STAG1: variants seen among roughly 807,000 people sequenced by gnomAD.
STAG1 encodes the protein STAG1 cohesin complex component, also known as cohesin subunit SA-1.
STAG1 carries 26 observed loss-of-function variants against 170.9 expected under a neutral mutation model. That is an observed-to-expected ratio of 0.15 (90% CI 0.11 to 0.21). The LOEUF (loss-of-function observed/expected upper bound fraction) is 0.21. Ranked by LOEUF, STAG1 falls within the 10% of genes least tolerant of loss-of-function variation. STAG1 has a pLI of 1.00. For missense variants in STAG1, 964 were observed against 1,509.5 expected (o/e 0.64, Z 5.99); for synonymous variants, 514 against 497.7 (o/e 1.03, Z -0.44).
intron 1 of STAG1, among the ~76,000 whole-genome samples, chr3:136,735,004 C>T (rs1553774088): frequency 6.6e-6 from 1 of 152,200 alleles, no homozygotes; most frequent in Non-Finnish European, 1.5e-5. Context: ...ACTCTTGACA[C>T]TAACCTAGGA....
intron 24 of STAG1, 83 bp downstream of exon 24, chr3:136,369,025 T>A: frequency 7.9e-7 from 1 of 1,269,312 alleles, no homozygotes; most frequent in South Asian, 2.1e-5. Context: ...CGATAATTTT[T>A]AGAACTGAAT....
At chr3:136,367,667 T>C (rs1422861553) in intron 24 of STAG1, among the ~76,000 whole-genome samples, 1 of 152,178 alleles carries the variant, frequency 6.6e-6, no homozygotes, top group Non-Finnish European at 1.5e-5. Flanking sequence ...AGTTTTCTTT[T>C]AGAAAAATAT....
intron 1 of STAG1, among the ~76,000 whole-genome samples, chr3:136,653,135 G>A (rs112013125): frequency 5.3e-5 from 8 of 152,160 alleles, no homozygotes; most frequent in African/African-American, 1.7e-4. Flanking sequence ...TGCCAGGCGT[G>A]GTGGTGTATG....
intron 3 of STAG1, among the ~76,000 whole-genome samples, chr3:136,605,401 C>A (rs1256317527): frequency 6.6e-6 from 1 of 152,212 alleles, no homozygotes; most frequent in East Asian, 1.9e-4. Context: ...TAATTTCATT[C>A]ATTCATACAT....
At chr3:136,454,369 C>G (rs1229452760) in intron 13 of STAG1, among the ~76,000 whole-genome samples, 1 of 151,452 alleles carries the variant, frequency 6.6e-6, no homozygotes. Flanking sequence ...CCTGAGCCAC[C>G]GTGATCGGCT....
At chr3:136,709,403 CAT>C (rs986871932) in intron 1 of STAG1, among the ~76,000 whole-genome samples, 131 of 152,152 alleles carry the variant, frequency 8.6e-4, no homozygotes, top group African/African-American at 3.0e-3. Flanking sequence ...ATATCATTTA[CAT>C]AGAAGAACTC....
At chr3:136,598,345 T>G (rs892241741) in intron 4 of STAG1, among the ~76,000 whole-genome samples, 3 of 152,196 alleles carry the variant, frequency 2.0e-5, no homozygotes, top group African/African-American at 7.2e-5. Context: ...ATGCTTTAGC[T>G]GGCTCCAACA....
chr3:136,698,502 G>C (rs1158959523), intron 1 of STAG1, among the ~76,000 whole-genome samples: 1 of 151,748 alleles, frequency 6.6e-6, no homozygotes, highest in East Asian at 1.9e-4. Flanking sequence ...ACAAACAGAG[G>C]AGCATGGATG....
intron 5 of STAG1, among the ~76,000 whole-genome samples, chr3:136,551,220 AG>A (rs1559874313): frequency 1.7e-5 from 2 of 115,680 alleles, no homozygotes; most frequent in African/African-American, 6.4e-5. Context: ...AGAGAGAGAG[AG>A]AGAGAGAGAG....
At chr3:136,440,781 G>T (rs2088607033) in intron 15 of STAG1, among the ~76,000 whole-genome samples, 1 of 151,936 alleles carries the variant, frequency 6.6e-6, no homozygotes, top group Non-Finnish European at 1.5e-5. Flanking sequence ...CTTGAGCCCA[G>T]GAGTTTGAGA....
chr3:136,412,401 T>G (rs1244403819), intron 21 of STAG1, among the ~76,000 whole-genome samples: 1 of 152,222 alleles, frequency 6.6e-6, no homozygotes, highest in African/African-American at 2.4e-5. Flanking sequence ...GTACTAAAAC[T>G]ATTATGTCAG....
chr3:136,433,713 T>G, intron 15 of STAG1, 54 bp from the exon 16 acceptor site: 1 of 1,217,262 alleles, frequency 8.2e-7, no homozygotes, highest in Non-Finnish European at 1.2e-6. Flanking sequence ...AACAACCATG[T>G]ATTAAAAATG....
chr3:136,684,813 G>A (rs996425914), intron 1 of STAG1, among the ~76,000 whole-genome samples: 1 of 146,080 alleles, frequency 6.8e-6, no homozygotes, highest in Non-Finnish European at 1.5e-5. Context: ...AGAACAATTT[G>A]ACATCCACAA....
At chr3:136,547,032 T>C (rs1936181528) in intron 5 of STAG1, among the ~76,000 whole-genome samples, 1 of 152,208 alleles carries the variant, frequency 6.6e-6, no homozygotes, top group Admixed American at 6.5e-5. Context: ...TATTTTTCAT[T>C]TTACAAAACT....
At chr3:136,661,478 C>G (rs1035160622) in intron 1 of STAG1, among the ~76,000 whole-genome samples, 1 of 152,048 alleles carries the variant, frequency 6.6e-6, no homozygotes, top group Non-Finnish European at 1.5e-5. Context: ...TCAGTGTCAA[C>G]AAGGGAAAAA....
chr3:136,368,742 C>T (rs1166253945), intron 24 of STAG1, among the ~76,000 whole-genome samples: 1 of 152,108 alleles, frequency 6.6e-6, no homozygotes, highest in African/African-American at 2.4e-5. Context: ...TATATAACGA[C>T]AGGAAAAGAT....
chr3:136,732,591 T>A (rs533542533), intron 1 of STAG1, among the ~76,000 whole-genome samples: 1 of 152,142 alleles, frequency 6.6e-6, no homozygotes, highest in Non-Finnish European at 1.5e-5. Context: ...GAGTACCTTA[T>A]CATCTGACCA....
At chr3:136,545,190 A>G (rs1936100330) in intron 5 of STAG1, among the ~76,000 whole-genome samples, 1 of 152,086 alleles carries the variant, frequency 6.6e-6, no homozygotes. Flanking sequence ...CTGGGATTAC[A>G]GGCACACGTC....
rs560688260 is a variant in STAG1, at chr3:136,686,906, G to A, written c.-83-55925C>T. Among the ~76,000 whole-genome samples, 5 of 152,302 alleles carry A rather than the reference G, an allele frequency of 3.3e-5. 1 individual carries two copies. The highest frequency in any genetic ancestry group is 1.2e-4 in the African/African-American group (5 of 41,566). ...CTAGTGAAGTCTGTTGAGATGCAAT[G>A]GCTTAAGCTGTGGAGTCAGCTACAG... is the stretch of plus-strand genomic sequence containing the variant. On this transcript the variant is annotated intron_variant, in intron 1 of 33. Coordinates refer to ENST00000383202, the MANE Select transcript of STAG1 (RefSeq NM_005862.3).
Sources: allele counts gnomAD v4.1 joint callset (sites outside exome capture counted in the v4.1 genomes callset), GRCh38; gene constraint gnomAD v4.1.1; transcripts MANE v1.5; gene names NCBI Gene and HGNC (gene_info 2026-07-23, HGNC 2026-07-21).